The following LRP2 variants were observed in gnomAD, a reference collection of about 807,000 sequenced individuals.
The protein encoded by LRP2 is low-density lipoprotein receptor-related protein 2.
Under a neutral mutation model 531.0 loss-of-function variants are expected in LRP2, and 172 were observed. The observed-to-expected ratio is 0.32, with a 90% confidence interval of 0.29 to 0.37. The LOEUF (loss-of-function observed/expected upper bound fraction) is 0.37, where lower values mean the gene tolerates loss of function less well. LRP2 is among the 10% of genes least tolerant of loss of function. LRP2 has a pLI of 1.00. For synonymous variants in LRP2, 1,992 were observed against 2,027.6 expected, an observed-to-expected ratio of 0.98 and a Z score of 0.47; for missense variants, 5,167 against 5,868.3, an observed-to-expected ratio of 0.88 and a Z score of 3.90.
chr2:169,203,751 C>G (rs374266756), intron 42 of LRP2, among the ~76,000 whole-genome samples: 1 of 152,000 alleles, frequency 6.6e-6, no homozygotes, highest in African/African-American at 2.4e-5. Context: ...AGTGAGACTC[C>G]GTCTCAAAAA....
At chr2:169,152,508 A>G (rs1686180898) in intron 67 of LRP2, among the ~76,000 whole-genome samples, 2 of 152,194 alleles carry the variant, frequency 1.3e-5, no homozygotes, top group South Asian at 4.1e-4. Context: ...TAAATATAAT[A>G]TTCACTATTA....
At chr2:169,170,415 A>G in intron 59 of LRP2, 136 bp downstream of exon 59, 1 of 766,870 alleles carries the variant, frequency 1.3e-6, no homozygotes, top group South Asian at 1.4e-5. Flanking sequence ...AGCAGAAGAT[A>G]CTGTGTTATG....
intron 62 of LRP2, among the ~76,000 whole-genome samples, chr2:169,165,315 G>T (rs1686743750): frequency 6.6e-6 from 1 of 152,194 alleles, no homozygotes; most frequent in African/African-American, 2.4e-5. Flanking sequence ...CCCCTTCAAT[G>T]GATAGATTTT....
intron 15 of LRP2, among the ~76,000 whole-genome samples, chr2:169,272,010 G>T (rs938137587): frequency 6.6e-6 from 1 of 152,034 alleles, no homozygotes; most frequent in South Asian, 2.1e-4. Context: ...ATTAGACAAC[G>T]CACTATTGAT....
chr2:169,262,949 A>G (rs1215171213), intron 16 of LRP2, among the ~76,000 whole-genome samples: 1 of 152,200 alleles, frequency 6.6e-6, no homozygotes, highest in Non-Finnish European at 1.5e-5. Flanking sequence ...CCGTATATCT[A>G]CAACTATCTG....
In LRP2 at chr2:169,213,824, T is replaced by C; in HGVS notation, c.5873A>G (p.His1958Arg). ...VDGTDRMILV[H>R]QLSHPWGIAV... The stretch of plus-strand genomic sequence containing the variant: ...AATTCCCCAGGGGTGGGAAAGCTGG[T>C]GTACCAGGATCATTCGATCTGTTCC... The change falls in exon 36 of 79, where the codon CAC (histidine) becomes CGC (arginine). Residue 1958 changes from histidine to arginine, a missense_variant. By Grantham distance (29) the His-to-Arg change is conservative (BLOSUM62 0). Coordinates refer to ENST00000649046, the MANE Select transcript of LRP2 (RefSeq NM_004525.3). 1 of 1,613,756 alleles carries C rather than the reference T, an allele frequency of 6.2e-7. No individual in the cohort carries two copies. Among genetic ancestry groups the C allele is most frequent in the Non-Finnish European group, 8.5e-7 (1 of 1,179,720 alleles).
In LRP2 at chr2:169,209,618, C is replaced by A. The variant is rs1212825078; in HGVS notation, c.6304G>T (p.Val2102Leu). 6.2e-7 allele frequency: 1 copy of A among 1,614,076 alleles called. No individual in the cohort carries two copies. Among genetic ancestry groups the A allele is most frequent in the South Asian group, 1.1e-5 (1 of 91,068 alleles). Residue 2102 changes from valine (V) to leucine (L), a missense_variant, in exon 38 of 79, where the codon GTG (valine) becomes TTG (leucine). Physicochemically the swap from Val to Leu is conservative, Grantham distance 32. Around this residue, in one of 6 missense-constraint regions of LRP2, gnomAD observed 2,811 missense variants for 3,058.0 expected, o/e 0.92. Transcript: ENST00000649046. Reference protein sequence around the residue: ...GQGRNALHVDVDVSSGFIYWC... With the variant: ...GQGRNALHVDLDVSSGFIYWC... ...TAAATAAAGCCAGAGGACACATCCA[C>A]ATCCACATGCAGTGCGTTTCGTCCT...
chr2:169,224,502 T>C (rs1009747064), intron 33 of LRP2, among the ~76,000 whole-genome samples: 2 of 152,232 alleles, frequency 1.3e-5, no homozygotes, highest in Admixed American at 1.3e-4. Context: ...ATCAAGTTTC[T>C]ACTTTCTGTT....
At chr2:169,140,856 C>T (rs911233248) in intron 71 of LRP2, among the ~76,000 whole-genome samples, 2 of 152,188 alleles carry the variant, frequency 1.3e-5, no homozygotes, top group African/African-American at 4.8e-5. Flanking sequence ...AAAATATTCA[C>T]ATTCTCATTT....
rs1305053082 is a variant in LRP2, at chr2:169,343,037, CCTT to C, written c.79+19281_79+19283del. Among the ~76,000 whole-genome samples, 8 of 152,300 alleles carry C rather than the reference CCTT, an allele frequency of 5.3e-5. No homozygotes were observed. The East Asian group carries it at 1.5e-3, about 29-fold the overall frequency. The stretch of plus-strand genomic sequence containing the variant: ...CAAGTGTAGTCTTCCCTGGGCAAAT[CCTT>C]CTCCTTGCCCAGAGGACACATCTGA... On this transcript the variant is annotated intron_variant, in intron 1 of 78. Coordinates refer to ENST00000649046, the MANE Select transcript of LRP2 (RefSeq NM_004525.3).
chr2:169,313,022 C>T (rs1020370494), intron 3 of LRP2, among the ~76,000 whole-genome samples: 9 of 152,160 alleles, frequency 5.9e-5, no homozygotes, highest in Non-Finnish European at 1.2e-4. Context: ...GCATGCATCA[C>T]GTAGTTCTCA....
At chr2:169,242,168 G>A (rs1689830391) in intron 24 of LRP2, among the ~76,000 whole-genome samples, 1 of 144,912 alleles carries the variant, frequency 6.9e-6, no homozygotes, top group African/African-American at 2.6e-5. Context: ...TGACGCAGGA[G>A]GAGAATTCAT....
At chr2:169,216,051 T>C (rs1466612482) in intron 35 of LRP2, among the ~76,000 whole-genome samples, 2 of 152,050 alleles carry the variant, frequency 1.3e-5, no homozygotes, top group African/African-American at 4.8e-5. Flanking sequence ...TAGGGAACTA[T>C]GCACATACTA....
intron 48 of LRP2, among the ~76,000 whole-genome samples, chr2:169,188,643 A>G (rs1687721650): frequency 6.6e-6 from 1 of 152,190 alleles, no homozygotes; most frequent in Non-Finnish European, 1.5e-5. Flanking sequence ...TTTGGTATAC[A>G]TCAGATCTAT....
rs2105288581 is a variant in LRP2 at position 169,177,850 on chromosome 2, T to C, written c.10346A>G (p.His3449Arg). 9 of 1,614,254 alleles carry C rather than the reference T, an allele frequency of 5.6e-6. No individual in the cohort carries two copies. The highest frequency in any genetic ancestry group is 7.6e-6 in the Non-Finnish European group (9 of 1,180,036). The change falls in exon 53 of 79, where the codon CAC becomes CGC. Residue 3449 changes from histidine to arginine, a missense_variant. Physicochemically the swap from His to Arg is conservative, Grantham distance 29. This residue lies in a region of LRP2 where 1,129 missense variants were observed against 1,362.7 expected (regional missense o/e 0.83). Transcript: ENST00000649046. The part of the protein sequence containing the change: ...SNRQTLVNTT[H>R]RPFDIHVYHP... ...GTACACATGGATGTCAAATGGTCTG[T>C]GTGTTGTGTTCACCAGTGTCTGTCT... is the stretch of plus-strand genomic sequence containing the variant.
At chr2:169,133,514 T>C (rs956750528) in intron 76 of LRP2, among the ~76,000 whole-genome samples, 1 of 152,228 alleles carries the variant, frequency 6.6e-6, no homozygotes, top group African/African-American at 2.4e-5. Context: ...ACATTTCCGA[T>C]CTTAAAATCA....
At chr2:169,219,732 G>A (rs1009107154) in intron 34 of LRP2, among the ~76,000 whole-genome samples, 1 of 151,984 alleles carries the variant, frequency 6.6e-6, no homozygotes, top group Non-Finnish European at 1.5e-5. Flanking sequence ...ACTAACTATT[G>A]GGTACTATGC....
chr2:169,296,176 C>G (rs928301480), intron 4 of LRP2, among the ~76,000 whole-genome samples: 1 of 152,034 alleles, frequency 6.6e-6, no homozygotes, highest in Non-Finnish European at 1.5e-5. Context: ...AGGAATAAGC[C>G]TAACTCTTCT....
intron 58 of LRP2, among the ~76,000 whole-genome samples, chr2:169,171,558 T>C (rs981000442): frequency 2.0e-5 from 3 of 152,192 alleles, no homozygotes; most frequent in Non-Finnish European, 2.9e-5. Context: ...AGGGTAATAA[T>C]GCAAACACAA....
Sources: allele counts gnomAD v4.1 joint callset (sites outside exome capture counted in the v4.1 genomes callset), GRCh38; gene constraint gnomAD v4.1.1; regional missense constraint gnomAD v4.1.1; transcripts MANE v1.5; gene names NCBI Gene and HGNC (gene_info 2026-07-23, HGNC 2026-07-21).